COMMD1: variants seen among roughly 807,000 people sequenced by gnomAD.
The protein encoded by COMMD1 is COMM domain-containing protein 1.
In COMMD1, 10 loss-of-function variants were observed where a neutral mutation model predicts 17.2. The observed-to-expected ratio is 0.58, with a 90% CI of 0.36 to 0.99. The LOEUF is 0.99. Among genes scored for constraint, COMMD1 ranks in the 50% least tolerant of loss-of-function variants. COMMD1 has a pLI of 0.01. For missense variants in COMMD1, 270 were observed against 231.8 expected (o/e 1.17, Z -1.07); for synonymous variants, 97 against 91.6 (o/e 1.06, Z -0.34).
chr2:61,901,157 T>G (rs956642249), upstream of COMMD1, among the ~76,000 whole-genome samples: 1 of 151,686 alleles, frequency 6.6e-6, no homozygotes, highest in Non-Finnish European at 1.5e-5. Flanking sequence ...ATGTTGGCCA[T>G]GCTGGTCTTG....
At position 61,919,757 on chromosome 2, in the gene COMMD1, T is replaced by A. The variant is rs186406834; in HGVS notation, c.180+13899T>A. Among the ~76,000 whole-genome samples, 104 of 152,242 alleles carry A rather than the reference T, an allele frequency of 6.8e-4. 2 individuals are homozygous for A. The East Asian group carries it at 0.02, about 29-fold the overall frequency. The stretch of plus-strand genomic sequence containing the variant: ...GCTGCATAGCACATAACTAAATAAA[T>A]TTGAATATTTTCCTCCCTAAGTTGT... On this transcript the variant is annotated intron_variant, in intron 1 of 2. Transcript: ENST00000311832.
chr2:62,055,066 G>A (rs901641272), intron 2 of COMMD1, among the ~76,000 whole-genome samples: 2 of 152,160 alleles, frequency 1.3e-5, no homozygotes, highest in African/African-American at 2.4e-5. Context: ...ACCATAATCA[G>A]TTGCTTGCAT....
chr2:61,970,813 A>G (rs1167932884), intron 1 of COMMD1, among the ~76,000 whole-genome samples: 3 of 152,214 alleles, frequency 2.0e-5, no homozygotes, highest in African/African-American at 7.2e-5. Flanking sequence ...TTCCTTGACA[A>G]TATTTTATCT....
At chr2:61,958,292 G>C (rs1380068709) in intron 1 of COMMD1, among the ~76,000 whole-genome samples, 2 of 145,898 alleles carry the variant, frequency 1.4e-5, no homozygotes, top group Non-Finnish European at 3.0e-5. Flanking sequence ...TTGAGATGAA[G>C]TTTTGCTCTT....
intron 1 of COMMD1, among the ~76,000 whole-genome samples, chr2:61,919,963 C>CA (rs111685337): frequency 9.2e-5 from 14 of 151,746 alleles, no homozygotes; most frequent in Non-Finnish European, 4.4e-5. Flanking sequence ...CCTGTCTCTA[C>CA]AAAAAAATAA....
At chr2:61,974,809 A>G (rs1168660667) in intron 1 of COMMD1, among the ~76,000 whole-genome samples, 3 of 152,022 alleles carry the variant, frequency 2.0e-5, no homozygotes, top group Non-Finnish European at 2.9e-5. Context: ...AGTTTCCCCT[A>G]TTAATATCTT....
At chr2:62,023,915 TA>T (rs1323577950) in intron 2 of COMMD1, among the ~76,000 whole-genome samples, 4 of 152,112 alleles carry the variant, frequency 2.6e-5, no homozygotes, top group Admixed American at 6.6e-5. Context: ...TACAGTCATT[TA>T]AAAAAAATCA....
intron 2 of COMMD1, among the ~76,000 whole-genome samples, chr2:62,120,651 G>A (rs1206895009): frequency 6.6e-6 from 1 of 152,164 alleles, no homozygotes; most frequent in Non-Finnish European, 1.5e-5. Flanking sequence ...CATCAAGCCA[G>A]AACACCTAAA....
chr2:62,104,152 T>C (rs926794969), intron 2 of COMMD1, among the ~76,000 whole-genome samples: 4 of 152,176 alleles, frequency 2.6e-5, no homozygotes, highest in African/African-American at 9.7e-5. Flanking sequence ...TAGAATTCTT[T>C]TTGATGAAGC....
intron 1 of COMMD1, among the ~76,000 whole-genome samples, chr2:61,936,839 A>G (rs764894696): frequency 3.9e-5 from 6 of 152,240 alleles, no homozygotes; most frequent in African/African-American, 7.2e-5. Flanking sequence ...TATTTTGCCA[A>G]GGTTAAGGAC....
intron 1 of COMMD1, among the ~76,000 whole-genome samples, chr2:61,914,690 G>GT (rs970279883): frequency 6.6e-6 from 1 of 151,856 alleles, no homozygotes; most frequent in African/African-American, 2.4e-5. Flanking sequence ...GTTTTCTGGG[G>GT]TTTTTTGTTT....
At chr2:62,062,141 T>A (rs1670877993) in intron 2 of COMMD1, among the ~76,000 whole-genome samples, 1 of 152,106 alleles carries the variant, frequency 6.6e-6, no homozygotes, top group Non-Finnish European at 1.5e-5. Context: ...TAACTCTTTC[T>A]AACCTTGATT....
intron 1 of COMMD1, among the ~76,000 whole-genome samples, chr2:61,935,295 T>C (rs1295556597): frequency 6.6e-6 from 1 of 152,220 alleles, no homozygotes; most frequent in African/African-American, 2.4e-5. Context: ...AACTACAGTC[T>C]GATAACCCAG....
chr2:61,966,800 A>G (rs1489788339), intron 1 of COMMD1, among the ~76,000 whole-genome samples: 1 of 152,060 alleles, frequency 6.6e-6, no homozygotes, highest in Non-Finnish European at 1.5e-5. Flanking sequence ...TTTAATTGTT[A>G]AATGTAAGTT....
intron 2 of COMMD1, among the ~76,000 whole-genome samples, chr2:62,004,880 GAATT>G (rs1216820139): frequency 6.6e-6 from 1 of 152,172 alleles, no homozygotes; most frequent in Non-Finnish European, 1.5e-5. Context: ...GCTTGTGAGA[GAATT>G]AACGATCCTA....
chr2:61,896,414 T>G (rs1227048500), intron 1 of COMMD1, among the ~76,000 whole-genome samples: 1 of 151,966 alleles, frequency 6.6e-6, no homozygotes. Flanking sequence ...AGTGAGATCC[T>G]GTCTCTAAAA....
In COMMD1 at chr2:62,000,754, T is replaced by G; in HGVS notation, c.234T>G (p.Ala78=). The G allele has an allele frequency of 6.2e-7, 1 of 1,614,146 alleles. No individual in the cohort carries two copies. Among genetic ancestry groups the G allele is most frequent in the South Asian group, 1.1e-5 (1 of 91,080 alleles). ...DFNQLEAFLT[A]QTKKQGGITS... ...ACCAGCTGGAGGCATTCTTGACTGC[T>G]CAAACCAAAAAGCAAGGTGGGATCA... The change falls in exon 2 of 3, where the codon GCT becomes GCG. Residue 78 remains alanine, a synonymous_variant. Coordinates refer to ENST00000311832, the MANE Select transcript of COMMD1 (RefSeq NM_152516.4).
chr2:61,897,577 G>C (rs1041900305), intron 1 of COMMD1, among the ~76,000 whole-genome samples: 1 of 152,034 alleles, frequency 6.6e-6, no homozygotes, highest in East Asian at 1.9e-4. Context: ...ATGAAATCCC[G>C]TCTGTACTAA....
chr2:61,900,300 G>C (rs751488597), intron 1 of COMMD1, among the ~76,000 whole-genome samples: 6 of 152,222 alleles, frequency 3.9e-5, no homozygotes, highest in Non-Finnish European at 7.3e-5. Context: ...GGACTTACAA[G>C]TTACAGGTGG....
Sources: allele counts gnomAD v4.1 joint callset (sites outside exome capture counted in the v4.1 genomes callset), GRCh38; gene constraint gnomAD v4.1.1; transcripts MANE v1.5; gene names NCBI Gene and HGNC (gene_info 2026-07-23, HGNC 2026-07-21).